RBFOX1: variants seen among roughly 807,000 people sequenced by gnomAD.
RBFOX1 encodes RNA binding fox-1 homolog 1.
RBFOX1 carries 8 observed loss-of-function variants against 57.7 expected under a neutral mutation model. That is an observed-to-expected ratio of 0.14 (90% confidence interval 0.08 to 0.25). The LOEUF (loss-of-function observed/expected upper bound fraction) is 0.25, where lower values mean the gene tolerates loss of function less well. Ranked by LOEUF, RBFOX1 falls within the 10% of genes least tolerant of loss-of-function variation. The pLI is 1.00. For missense variants in RBFOX1, 611 were observed against 548.5 expected, an observed-to-expected ratio of 1.11 and a Z score of -1.14; for synonymous variants, 326 against 222.4, an observed-to-expected ratio of 1.47 and a Z score of -4.15.
At chr16:6,100,129 A>G (rs2096286061) in intron 1 of RBFOX1, among the ~76,000 whole-genome samples, 1 of 151,968 alleles carries the variant, frequency 6.6e-6, no homozygotes, top group Non-Finnish European at 1.5e-5. Flanking sequence ...ATGCAGGCTT[A>G]TTGCATTATT....
At chr16:6,638,843 C>G (rs1233940082) in intron 2 of RBFOX1, among the ~76,000 whole-genome samples, 4 of 152,082 alleles carry the variant, frequency 2.6e-5, no homozygotes, top group African/African-American at 9.7e-5. Context: ...AGGCTGTAGA[C>G]AATAAAGGTT....
At chr16:6,864,076 G>T (rs1471716077) in intron 3 of RBFOX1, among the ~76,000 whole-genome samples, 6 of 151,472 alleles carry the variant, frequency 4.0e-5, no homozygotes, top group Admixed American at 2.0e-4. Context: ...AGACTACAGG[G>T]AGAGTAGCAG....
intron 3 of RBFOX1, among the ~76,000 whole-genome samples, chr16:6,864,563 T>G (rs528608746): frequency 1.1e-4 from 16 of 149,802 alleles, no homozygotes; most frequent in African/African-American, 3.9e-4. Flanking sequence ...TTTTTTTTTT[T>G]AATCATGGCC....
chr16:6,877,251 A>T (rs2062017906), intron 3 of RBFOX1, among the ~76,000 whole-genome samples: 1 of 152,226 alleles, frequency 6.6e-6, no homozygotes. Context: ...CCACATGTTG[A>T]CATGTCCTAG....
chr16:7,649,756 C>T (rs1238720613), intron 11 of RBFOX1, among the ~76,000 whole-genome samples: 3 of 152,126 alleles, frequency 2.0e-5, no homozygotes, highest in East Asian at 1.9e-4. Flanking sequence ...ATGAGCAGAA[C>T]GTGGAGATCA....
At position 7,557,934 on chromosome 16, in the gene RBFOX1, C is replaced by T. The variant is rs959594057; in HGVS notation, c.271-21843C>T. Among the ~76,000 whole-genome samples, 125 of 152,258 alleles carry T rather than the reference C, an allele frequency of 8.2e-4. 1 individual carries two copies. The highest frequency in any genetic ancestry group is 2.9e-3 in the African/African-American group (121 of 41,554). On this transcript the variant is annotated intron_variant, in intron 5 of 15. Transcript: ENST00000550418. The stretch of plus-strand genomic sequence containing the variant: ...GAAAAAATATGCAGAAGTGGACCAT[C>T]ACGCAGTATTTCCACCATCCAGATA...
intron 4 of RBFOX1, among the ~76,000 whole-genome samples, chr16:5,870,679 A>G (rs1171937331): frequency 1.3e-5 from 2 of 150,442 alleles, no homozygotes; most frequent in South Asian, 2.1e-4. Flanking sequence ...CAGCCACATC[A>G]TATTTTTTTT....
chr16:7,159,072 A>C (rs1170372242), intron 4 of RBFOX1, among the ~76,000 whole-genome samples: 1 of 151,416 alleles, frequency 6.6e-6, no homozygotes, highest in Non-Finnish European at 1.5e-5. Context: ...TTCACTTCTG[A>C]AGTTCTATCA....
chr16:6,749,517 G>A (rs1017481546), intron 3 of RBFOX1, among the ~76,000 whole-genome samples: 8 of 152,110 alleles, frequency 5.3e-5, no homozygotes, highest in East Asian at 1.9e-4. Flanking sequence ...GAGGTTCTGG[G>A]GATTTGAACT....
chr16:6,420,719 T>C (rs2093748493), intron 2 of RBFOX1, among the ~76,000 whole-genome samples: 1 of 152,224 alleles, frequency 6.6e-6, no homozygotes. Context: ...CATTCACTTG[T>C]ACAATTGACA....
intron 3 of RBFOX1, among the ~76,000 whole-genome samples, chr16:6,790,478 C>T (rs1336373553): frequency 6.6e-6 from 1 of 152,126 alleles, no homozygotes; most frequent in Non-Finnish European, 1.5e-5. Context: ...AGGCACTGGG[C>T]ATGGCGCCCT....
chr16:6,825,271 C>A (rs2091973642), intron 3 of RBFOX1, among the ~76,000 whole-genome samples: 1 of 151,150 alleles, frequency 6.6e-6, no homozygotes, highest in African/African-American at 2.4e-5. Context: ...CACACCCCTT[C>A]CCTACTCTAG....
chr16:6,835,059 A>C (rs1007483669), intron 3 of RBFOX1, among the ~76,000 whole-genome samples: 1 of 151,874 alleles, frequency 6.6e-6, no homozygotes, highest in African/African-American at 2.4e-5. Flanking sequence ...TGCCCCGGCT[A>C]ATTTTTTATA....
intron 4 of RBFOX1, among the ~76,000 whole-genome samples, chr16:7,185,153 T>G (rs959318064): frequency 2.0e-5 from 3 of 152,080 alleles, no homozygotes; most frequent in African/African-American, 7.2e-5. Context: ...CTTTGCAAAG[T>G]GTCAACCGCA....
chr16:6,788,077 G>A lies in RBFOX1; in HGVS notation c.-16+133427G>A, dbSNP rs143249316. On this transcript the variant is annotated intron_variant, in intron 3 of 15. Coordinates refer to ENST00000550418, the MANE Select transcript of RBFOX1 (RefSeq NM_018723.4). Reference sequence around the variant, plus strand: ...ATCTCTACTAAAAATACAAAATTTGGCAGGTGTGGTGGCGCATGCCTGTAA... The same window carrying A: ...ATCTCTACTAAAAATACAAAATTTGACAGGTGTGGTGGCGCATGCCTGTAA... Among the ~76,000 whole-genome samples, 670 of 152,154 alleles carry A rather than the reference G, an allele frequency of 4.4e-3. 7 individuals are homozygous for A. Among genetic ancestry groups the A allele is most frequent in the African/African-American group, 0.015 (635 of 41,524 alleles).
rs1020277477 is a variant in RBFOX1 at position 7,258,242 on chromosome 16, T to C, written c.27+206144T>C. On this transcript the variant is annotated intron_variant, in intron 4 of 15. Transcript: ENST00000550418. ...ACACCATAAAGATCTTAAATGCATTTTCAGTTCAGTGTCCTTCTTATTAAT... is the reference window on the plus strand; with the variant it reads ...ACACCATAAAGATCTTAAATGCATTCTCAGTTCAGTGTCCTTCTTATTAAT... 2.6e-5 allele frequency among the ~76,000 whole-genome samples: 4 copies of C among 152,320 alleles called. No individual in the cohort carries two copies. In the South Asian group the frequency reaches 8.3e-4, roughly 32 times the overall value.
At chr16:6,441,331 T>A (rs974644558) in intron 2 of RBFOX1, among the ~76,000 whole-genome samples, 3 of 152,170 alleles carry the variant, frequency 2.0e-5, no homozygotes, top group Non-Finnish European at 4.4e-5. Flanking sequence ...GTACATAGCT[T>A]CCCCTAAAGT....
At chr16:6,245,249 A>C (rs1054364373) in intron 1 of RBFOX1, among the ~76,000 whole-genome samples, 1 of 152,234 alleles carries the variant, frequency 6.6e-6, no homozygotes, top group Non-Finnish European at 1.5e-5. Flanking sequence ...GATGGCTTTA[A>C]ATTTTTTTTC....
intron 2 of RBFOX1, among the ~76,000 whole-genome samples, chr16:6,625,521 G>A (rs112631270): frequency 2.4e-4 from 37 of 152,182 alleles, no homozygotes; most frequent in African/African-American, 6.7e-4. Flanking sequence ...CACTCAGTTC[G>A]TTAAAACTTT....
Sources: allele counts gnomAD v4.1 joint callset (sites outside exome capture counted in the v4.1 genomes callset), GRCh38; gene constraint gnomAD v4.1.1; transcripts MANE v1.5; gene names NCBI Gene and HGNC (gene_info 2026-07-23, HGNC 2026-07-21).